Variants in ENOPH1 observed in about 807,000 individuals in gnomAD.
ENOPH1 encodes enolase-phosphatase 1, also known as enolase-phosphatase E1.
ENOPH1 carries 14 observed loss-of-function variants against 31.1 expected under a neutral mutation model. The observed-to-expected ratio is 0.45, with a 90% CI of 0.30 to 0.70. The LOEUF (loss-of-function observed/expected upper bound fraction) is 0.70. ENOPH1 is among the 30% of genes least tolerant of loss of function. The pLI is 0.09. For missense variants in ENOPH1, 243 were observed against 321.5 expected, an observed-to-expected ratio of 0.76 and a Z score of 1.87; for synonymous variants, 127 against 123.2, an observed-to-expected ratio of 1.03 and a Z score of -0.21.
chr4:82,459,962 A>G lies in ENOPH1; in HGVS notation c.647-19A>G, dbSNP rs13104664. On this transcript the variant is annotated intron_variant, in intron 5 of 5. Transcript: ENST00000273920. ...TTTTTGGTGTTTCTGACACACACACATCCTTTGATTTTTCACAGAGGCCAG... is the reference window on the plus strand; with the variant it reads ...TTTTTGGTGTTTCTGACACACACACGTCCTTTGATTTTTCACAGAGGCCAG... The G allele has an allele frequency of 1.6e-5, 26 of 1,612,886 alleles. No individual in the cohort carries two copies. Among genetic ancestry groups the G allele is most frequent in the Non-Finnish European group, 2.1e-5 (25 of 1,179,794 alleles).
intron 2 of ENOPH1, among the ~76,000 whole-genome samples, chr4:82,449,599 A>T (rs1722293687): frequency 6.6e-6 from 1 of 152,208 alleles, no homozygotes; most frequent in Non-Finnish European, 1.5e-5. Flanking sequence ...ATGGTGCTAA[A>T]CAAACCATTC....
intron 1 of ENOPH1, among the ~76,000 whole-genome samples, chr4:82,440,104 T>C (rs752458720): frequency 1.1e-4 from 17 of 152,166 alleles, no homozygotes; most frequent in Non-Finnish European, 2.1e-4. Flanking sequence ...TGGAATTAGG[T>C]AAGATCACAA....
rs1342554484 is a variant in ENOPH1 at position 82,459,731 on chromosome 4, ACACTGCCATT to A, written c.647-248_647-239del. On this transcript the variant is annotated intron_variant, in intron 5 of 5. Coordinates refer to ENST00000273920, the MANE Select transcript of ENOPH1 (RefSeq NM_021204.5). ...TTAATAAAGCTCAGAAGTGTAGGAT[ACACTGCCATT>A]CTCTTCTGTCAAGTACAGTTACGTA... is the stretch of plus-strand genomic sequence containing the variant. Among the ~76,000 whole-genome samples the A allele has an allele frequency of 4.6e-5, 7 of 152,334 alleles. No individual in the cohort carries two copies. In the East Asian group the frequency reaches 1.3e-3, roughly 29 times the overall value.
At chr4:82,455,785 C>CA (rs560737706) in intron 4 of ENOPH1, among the ~76,000 whole-genome samples, 3,811 of 135,454 alleles carry the variant, frequency 0.028, 200 homozygotes, top group Admixed American at 0.14. Context: ...GATTCCATCT[C>CA]AAAAAAAAAA....
intron 5 of ENOPH1, among the ~76,000 whole-genome samples, chr4:82,458,650 G>A (rs938600856): frequency 2.0e-5 from 3 of 152,336 alleles, no homozygotes; most frequent in Admixed American, 2.0e-4. Flanking sequence ...CCTGAATATG[G>A]AACGGCCACT....
At chr4:82,443,417 AAAAG>A (rs1201853021) in intron 1 of ENOPH1, among the ~76,000 whole-genome samples, 12 of 150,840 alleles carry the variant, frequency 8.0e-5, no homozygotes, top group Admixed American at 2.6e-4. Flanking sequence ...GTCCAAAAAA[AAAAG>A]AAAGAAATAA....
intron 1 of ENOPH1, among the ~76,000 whole-genome samples, chr4:82,443,666 T>G (rs1722101129): frequency 6.7e-6 from 1 of 148,290 alleles, no homozygotes; most frequent in African/African-American, 2.5e-5. Context: ...AGGTGGAGCT[T>G]GCAGTGAGCT....
intron 1 of ENOPH1, among the ~76,000 whole-genome samples, chr4:82,433,076 C>G (rs1721817307): frequency 6.6e-6 from 1 of 152,180 alleles, no homozygotes; most frequent in Non-Finnish European, 1.5e-5. Flanking sequence ...TAACAGCTCA[C>G]TCGTTCCACT....
chr4:82,454,454 T>G (rs1248812444), intron 3 of ENOPH1, among the ~76,000 whole-genome samples: 1 of 152,222 alleles, frequency 6.6e-6, no homozygotes, highest in Non-Finnish European at 1.5e-5. Context: ...CATTTCATCC[T>G]TTTATCTGTA....
intron 1 of ENOPH1, among the ~76,000 whole-genome samples, chr4:82,434,350 G>A (rs1188269661): frequency 6.6e-6 from 1 of 152,280 alleles, no homozygotes; most frequent in Non-Finnish European, 1.5e-5. Flanking sequence ...TTGGGACGCC[G>A]AAGCAGGTGG....
chr4:82,438,256 A>T (rs1721958346), intron 1 of ENOPH1, among the ~76,000 whole-genome samples: 1 of 152,224 alleles, frequency 6.6e-6, no homozygotes, highest in Non-Finnish European at 1.5e-5. Context: ...TGCTCCTGCC[A>T]TCCAGAGGTG....
At chr4:82,433,434 A>C (rs1327677792) in intron 1 of ENOPH1, among the ~76,000 whole-genome samples, 1 of 152,228 alleles carries the variant, frequency 6.6e-6, no homozygotes, top group Non-Finnish European at 1.5e-5. Flanking sequence ...CAAAAGAATG[A>C]TTTAGGGATC....
rs1379057801 is a variant in ENOPH1, at chr4:82,430,801, G to A, written c.-29G>A. ...CCGCCCTCCGCCCTCCCCAACAGCAGGCCGAGTCCCGTAGCATCCGGTAGG... is the reference window on the plus strand; with the variant it reads ...CCGCCCTCCGCCCTCCCCAACAGCAAGCCGAGTCCCGTAGCATCCGGTAGG... On this transcript the variant is annotated 5_prime_UTR_variant, in exon 1 of 6. Coordinates refer to ENST00000273920, the MANE Select transcript of ENOPH1 (RefSeq NM_021204.5). 1.2e-6 allele frequency: 2 copies of A among 1,611,232 alleles called. No homozygotes were observed. The highest frequency in any genetic ancestry group is 4.5e-5 in the East Asian group (2 of 44,860).
At chr4:82,435,179 G>A (rs941776232) in intron 1 of ENOPH1, among the ~76,000 whole-genome samples, 3 of 152,136 alleles carry the variant, frequency 2.0e-5, no homozygotes, top group Admixed American at 6.6e-5. Flanking sequence ...ACAGCTCACC[G>A]CAACCTCGAC....
intron 1 of ENOPH1, 104 bp downstream of exon 1, chr4:82,431,017 G>A (rs1204597337): frequency 1.1e-6 from 1 of 918,326 alleles, no homozygotes; most frequent in Admixed American, 2.8e-5. Context: ...TAGGAGAGGC[G>A]GTGTGGCTGC....
At chr4:82,448,159 G>T in intron 2 of ENOPH1, 138 bp downstream of exon 2, 1 of 516,050 alleles carries the variant, frequency 1.9e-6, no homozygotes, top group Non-Finnish European at 3.5e-6. Flanking sequence ...TTAGTGAGTT[G>T]CCTGCTTAGG....
intron 1 of ENOPH1, among the ~76,000 whole-genome samples, chr4:82,432,807 T>A (rs1298337262): frequency 1.3e-5 from 2 of 152,124 alleles, no homozygotes; most frequent in Non-Finnish European, 2.9e-5. Flanking sequence ...GCCCGGCTAA[T>A]TTTTGTATTT....
chr4:82,459,270 C>T (rs1722579097), intron 5 of ENOPH1, among the ~76,000 whole-genome samples: 1 of 151,878 alleles, frequency 6.6e-6, no homozygotes, highest in African/African-American at 2.4e-5. Context: ...CCATAGGATT[C>T]CATTTGTCCC....
intron 1 of ENOPH1, among the ~76,000 whole-genome samples, chr4:82,440,240 G>A (rs1199420216): frequency 6.6e-6 from 1 of 152,232 alleles, no homozygotes; most frequent in East Asian, 1.9e-4. Flanking sequence ...AAATGTTACA[G>A]AACTACTGGG....
Sources: allele counts gnomAD v4.1 joint callset (sites outside exome capture counted in the v4.1 genomes callset), GRCh38; gene constraint gnomAD v4.1.1; transcripts MANE v1.5; gene names NCBI Gene and HGNC (gene_info 2026-07-23, HGNC 2026-07-21).